Variants in NCOA7 observed in about 807,000 individuals in gnomAD.
The protein encoded by NCOA7 is nuclear receptor coactivator 7, also known as 140 kDa estrogen receptor-associated protein.
A neutral mutation model predicts 104.3 loss-of-function variants in NCOA7; 45 were observed. The ratio of observed to expected loss-of-function variants is 0.43; its 90% CI spans 0.34 to 0.55. NCOA7 has a LOEUF of 0.55. Ranked by LOEUF, NCOA7 falls within the 20% of genes least tolerant of loss-of-function variation. The pLI, the probability that NCOA7 is intolerant of heterozygous loss-of-function variation, is 0.02. For synonymous variants in NCOA7, 398 were observed against 402.3 expected, an observed-to-expected ratio of 0.99 and a Z score of 0.13; for missense variants, 1,041 against 1,119.7, an observed-to-expected ratio of 0.93 and a Z score of 1.00.
chr6:125,784,566 T>A (rs542859449), intron 1 of NCOA7, among the ~76,000 whole-genome samples: 1 of 152,344 alleles, frequency 6.6e-6, no homozygotes, highest in Non-Finnish European at 1.5e-5. Flanking sequence ...AAACTTATGT[T>A]CACATAAAAC....
chr6:125,878,534 G>A (rs912715038), intron 5 of NCOA7, among the ~76,000 whole-genome samples, 164 bp downstream of exon 5: 10 of 151,900 alleles, frequency 6.6e-5, no homozygotes, highest in African/African-American at 1.9e-4. Flanking sequence ...TTTTGAGACA[G>A]GGTCTTGCTC....
At chr6:125,839,933 GTTA>G (rs960882588) in intron 2 of NCOA7, among the ~76,000 whole-genome samples, 44 of 151,846 alleles carry the variant, frequency 2.9e-4, no homozygotes, top group African/African-American at 9.4e-4. Context: ...TACTACACTA[GTTA>G]TTATTATTTT....
chr6:125,867,625 T>C (rs550650023), intron 3 of NCOA7, among the ~76,000 whole-genome samples: 2 of 152,328 alleles, frequency 1.3e-5, no homozygotes, highest in East Asian at 1.9e-4. Flanking sequence ...TTTGTAGTGT[T>C]GCTGCTTTTA....
At position 125,785,518 on chromosome 6, in the gene NCOA7, G is replaced by GA. The variant is rs201584702; in HGVS notation, c.-141-612dup. Among the ~76,000 whole-genome samples the GA allele has an allele frequency of 9.0e-3, 1,374 of 151,852 alleles. 24 individuals carry two copies. Among genetic ancestry groups the GA allele is most frequent in the African/African-American group, 0.031 (1,296 of 41,390 alleles). Reference sequence around the variant, plus strand: ...TTATTAATCTGTAATTATTTCCCTTGAAAAAAACCCCTATTAGCATAATCA... The same window carrying GA: ...TTATTAATCTGTAATTATTTCCCTTGAAAAAAAACCCCTATTAGCATAATCA... On this transcript the variant is annotated intron_variant, in intron 1 of 16. Transcript: ENST00000368357.
chr6:125,869,677 T>C (rs1476943227), intron 3 of NCOA7, among the ~76,000 whole-genome samples: 2 of 152,202 alleles, frequency 1.3e-5, no homozygotes, highest in African/African-American at 4.8e-5. Flanking sequence ...CGTTGCTGGC[T>C]CTGCGGGTGA....
chr6:125,870,924 A>G (rs1184376287), intron 3 of NCOA7, among the ~76,000 whole-genome samples: 1 of 152,198 alleles, frequency 6.6e-6, no homozygotes, highest in East Asian at 1.9e-4. Flanking sequence ...TTTATGCAGA[A>G]AGAAATGGGC....
chr6:125,888,539 C>T (rs534594385), intron 8 of NCOA7, among the ~76,000 whole-genome samples: 13 of 151,860 alleles, frequency 8.6e-5, no homozygotes, highest in African/African-American at 2.9e-4. Context: ...AATGTTTGCA[C>T]ATTTAAGGAA....
At position 125,889,887 on chromosome 6, in the gene NCOA7, A is replaced by G. The variant is rs763032530; in HGVS notation, c.1833A>G (p.Glu611=). ...AAGAGGCTCTAGACTCCTCTTTGGA[A>G]TCTACTCTGGACAACAGCTGTCAAG... ...VIKEALDSSL[E]STLDNSCQGA... is the part of the protein sequence containing the mutation. The change falls in exon 9 of 16, where the codon GAA becomes GAG. Residue 611 remains glutamate (E), a synonymous_variant. Transcript: ENST00000392477. The G allele has an allele frequency of 1.2e-6, 2 of 1,612,118 alleles. No homozygotes were observed. Among genetic ancestry groups the G allele is most frequent in the Admixed American group, 3.4e-5 (2 of 59,522 alleles).
At chr6:125,920,574 T>G (rs1048415999) in intron 11 of NCOA7, among the ~76,000 whole-genome samples, 1 of 152,186 alleles carries the variant, frequency 6.6e-6, no homozygotes, top group Non-Finnish European at 1.5e-5. Flanking sequence ...TATTTATTTA[T>G]TTTATTTCTA....
intron 10 of NCOA7, among the ~76,000 whole-genome samples, chr6:125,894,340 G>C (rs9385389): frequency 0.31 from 47,191 of 151,794 alleles, 8,974 homozygotes; most frequent in East Asian, 0.51. Flanking sequence ...TACTAGACTC[G>C]GGCCTCTGTA....
At chr6:125,883,240 A>G (rs909148728) in intron 7 of NCOA7, among the ~76,000 whole-genome samples, 2 of 152,212 alleles carry the variant, frequency 1.3e-5, no homozygotes, top group East Asian at 3.8e-4. Flanking sequence ...CTGTGGTCAT[A>G]GGAGAATTCA....
intron 1 of NCOA7, among the ~76,000 whole-genome samples, chr6:125,805,299 T>G (rs1290844748): frequency 6.6e-6 from 1 of 152,042 alleles, no homozygotes; most frequent in African/African-American, 2.4e-5. Context: ...TTCACCATGT[T>G]GATCAGGGTG....
At chr6:125,825,320 T>C (rs1202319681) in intron 2 of NCOA7, among the ~76,000 whole-genome samples, 1 of 152,038 alleles carries the variant, frequency 6.6e-6, no homozygotes, top group Non-Finnish European at 1.5e-5. Context: ...AAAGCAAGAC[T>C]CTGTCTCAAG....
intron 2 of NCOA7, among the ~76,000 whole-genome samples, chr6:125,816,782 A>C (rs1462100093): frequency 1.3e-5 from 2 of 152,200 alleles, no homozygotes; most frequent in Non-Finnish European, 2.9e-5. Context: ...CACCAGCCTT[A>C]TTCAGAGCAT....
intron 2 of NCOA7, among the ~76,000 whole-genome samples, chr6:125,841,820 A>G (rs1013359977): frequency 9.2e-5 from 14 of 152,196 alleles, no homozygotes; most frequent in African/African-American, 3.1e-4. Context: ...AAGATGTTGA[A>G]TGGACATGTT....
At position 125,842,295 on chromosome 6, in the gene NCOA7, G is replaced by T. The variant is rs181480302; in HGVS notation, c.51-12725G>T. On this transcript the variant is annotated intron_variant, in intron 2 of 15. Coordinates refer to ENST00000392477, the MANE Select transcript of NCOA7 (RefSeq NM_181782.5). ...TCAGTTAAAATTGGATGACAGAGTCGCTGGCATCATTGAGTTTGTGCTTGC... is the reference window on the plus strand; with the variant it reads ...TCAGTTAAAATTGGATGACAGAGTCTCTGGCATCATTGAGTTTGTGCTTGC... 4.6e-5 allele frequency among the ~76,000 whole-genome samples: 7 copies of T among 152,252 alleles called. No individual in the cohort carries two copies. In the East Asian group the frequency reaches 1.3e-3, roughly 29 times the overall value.
intron 1 of NCOA7, among the ~76,000 whole-genome samples, chr6:125,808,423 C>T (rs542099930): frequency 1.3e-5 from 2 of 152,200 alleles, no homozygotes; most frequent in African/African-American, 2.4e-5. Context: ...GTTGCCTCTT[C>T]TTCCTGAGCT....
intron 2 of NCOA7, among the ~76,000 whole-genome samples, chr6:125,830,735 A>ATGTGTGTG (rs779830277): frequency 0.051 from 6,729 of 132,518 alleles, 174 homozygotes; most frequent in Non-Finnish European, 0.074. Context: ...ATATATATAT[A>ATGTGTGTG]TATGTGTGTG....
intron 8 of NCOA7, among the ~76,000 whole-genome samples, chr6:125,886,799 T>A (rs544101789): frequency 6.6e-6 from 1 of 152,346 alleles, no homozygotes; most frequent in East Asian, 1.9e-4. Flanking sequence ...TAAGTACAAA[T>A]TACCCAGTGG....
Sources: gnomAD v4.1 joint callset for allele counts (sites outside exome capture counted in the v4.1 genomes callset) on GRCh38, gnomAD v4.1.1 for gene constraint, MANE v1.5 for transcripts, NCBI Gene and HGNC (gene_info 2026-07-23, HGNC 2026-07-21) for gene names.